SPECC1L: variants seen among roughly 807,000 people sequenced by gnomAD.
The protein encoded by SPECC1L is sperm antigen with calponin homology and coiled-coil domains 1 like.
SPECC1L carries 40 observed loss-of-function variants against 116.8 expected under a neutral mutation model. That is an observed-to-expected ratio of 0.34 (90% CI 0.27 to 0.45). SPECC1L has a LOEUF of 0.45. Ranked by LOEUF, SPECC1L falls within the 20% of genes least tolerant of loss-of-function variation. SPECC1L has a pLI of 1.00. For missense variants in SPECC1L, 1,110 were observed against 1,373.6 expected (o/e 0.81, Z 3.03); for synonymous variants, 504 against 500.6 (o/e 1.01, Z -0.09).
At chr22:24,382,575 C>T (rs576349575) in intron 14 of SPECC1L, among the ~76,000 whole-genome samples, 6 of 151,784 alleles carry the variant, frequency 4.0e-5, no homozygotes, top group African/African-American at 7.3e-5. Flanking sequence ...CAGTGACGGG[C>T]GACTGTAGTT....
chr22:24,300,135 G>T (rs185197632), intron 2 of SPECC1L, among the ~76,000 whole-genome samples: 4 of 151,980 alleles, frequency 2.6e-5, no homozygotes, highest in Non-Finnish European at 1.5e-5. Context: ...CTCTCCCCTC[G>T]TTCCCCACCC....
Position 24,322,927 on chromosome 22 carries a change from T to A in SPECC1L, c.1938+9T>A. The stretch of plus-strand genomic sequence containing the variant: ...AGGATGCCATTGCTAAGGTATTGTT[T>A]AAATAGATTAAAATGTTCCGGACAG... On this transcript the variant is annotated intron_variant, in intron 5 of 16. Transcript: ENST00000314328. 1 of 1,613,754 alleles carries A rather than the reference T, an allele frequency of 6.2e-7. No individual in the cohort carries two copies. Among genetic ancestry groups the A allele is most frequent in the Non-Finnish European group, 8.5e-7 (1 of 1,179,856 alleles).
chr22:24,297,389 A>G (rs1483859048), intron 2 of SPECC1L, among the ~76,000 whole-genome samples: 2 of 152,092 alleles, frequency 1.3e-5, no homozygotes, highest in Non-Finnish European at 2.9e-5. Context: ...TTGAAGGGAA[A>G]TTATCTCATT....
chr22:24,345,939 G>A (rs2146558777), intron 10 of SPECC1L, among the ~76,000 whole-genome samples: 1 of 152,072 alleles, frequency 6.6e-6, no homozygotes, highest in South Asian at 2.1e-4. Flanking sequence ...GGTGGTGTTT[G>A]AGCATCATGT....
intron 3 of SPECC1L, among the ~76,000 whole-genome samples, chr22:24,308,831 T>C (rs550950508): frequency 6.6e-6 from 1 of 152,330 alleles, no homozygotes; most frequent in African/African-American, 2.4e-5. Context: ...TTGGTTTATA[T>C]ATTCATTTAT....
chr22:24,321,971 A>C lies in SPECC1L; in HGVS notation c.991A>C (p.Asn331His). Residue 331 changes from asparagine (N) to histidine (H), a missense_variant, in exon 5 of 17, where the codon AAT becomes CAT. This residue lies in a region of SPECC1L where 437 missense variants were observed against 482.6 expected (regional missense o/e 0.91). Coordinates refer to ENST00000314328, the MANE Select transcript of SPECC1L (RefSeq NM_015330.6). ...GGAGGATCTCTTGAGTCAGGATGAAAATACACTAATGGACCATCAGCACAG... is the reference window on the plus strand; with the variant it reads ...GGAGGATCTCTTGAGTCAGGATGAACATACACTAATGGACCATCAGCACAG... ...SVEDLLSQDE[N>H]TLMDHQHSNS... is the part of the protein sequence containing the mutation. 6.2e-7 allele frequency: 1 copy of C among 1,614,162 alleles called. No individual in the cohort carries two copies.
At chr22:24,271,224 T>A (rs1383041907) in intron 1 of SPECC1L, among the ~76,000 whole-genome samples, 1 of 152,256 alleles carries the variant, frequency 6.6e-6, no homozygotes, top group Non-Finnish European at 1.5e-5. Context: ...CGAGACCCAC[T>A]GGCCTTCGTC....
chr22:24,410,917 G>A (rs753907332), intron 14 of SPECC1L, among the ~76,000 whole-genome samples: 43 of 152,248 alleles, frequency 2.8e-4, no homozygotes, highest in Non-Finnish European at 5.9e-4. Flanking sequence ...GGCCAGGTGC[G>A]GTGGCTCACA....
At chr22:24,288,742 C>T (rs891900502) in intron 2 of SPECC1L, among the ~76,000 whole-genome samples, 2 of 148,682 alleles carry the variant, frequency 1.3e-5, no homozygotes, top group Non-Finnish European at 3.0e-5. Flanking sequence ...TCTCCTGCCT[C>T]AGCTTCCTCA....
chr22:24,368,113 A>G (rs79694428), intron 13 of SPECC1L, among the ~76,000 whole-genome samples: 2,789 of 152,300 alleles, frequency 0.018, 46 homozygotes, highest in Middle Eastern at 0.048. Flanking sequence ...CTAAGGCAGG[A>G]TATTTATTTT....
intron 14 of SPECC1L, among the ~76,000 whole-genome samples, chr22:24,404,652 C>T (rs1417640883): frequency 2.0e-5 from 3 of 152,174 alleles, no homozygotes; most frequent in Non-Finnish European, 2.9e-5. Flanking sequence ...ACTGACCAGC[C>T]GGCCTCTGAC....
In SPECC1L at chr22:24,350,774, T is replaced by C. The variant is rs972381575; in HGVS notation, c.2743+3598T>C. Among the ~76,000 whole-genome samples the C allele has an allele frequency of 3.9e-5, 6 of 152,218 alleles. No individual in the cohort carries two copies. In the East Asian group the frequency reaches 5.8e-4, roughly 15 times the overall value. On this transcript the variant is annotated intron_variant, in intron 11 of 16. Coordinates refer to ENST00000314328, the MANE Select transcript of SPECC1L (RefSeq NM_015330.6). Reference sequence around the variant, plus strand: ...GTCAATAGTCAGCCTTTTGACCTTCTTCAGTCTGCGTTAAGTGTGGTCAGA... The same window carrying C: ...GTCAATAGTCAGCCTTTTGACCTTCCTCAGTCTGCGTTAAGTGTGGTCAGA...
intron 14 of SPECC1L, among the ~76,000 whole-genome samples, chr22:24,401,971 T>A (rs2042483854): frequency 6.6e-6 from 1 of 152,094 alleles, no homozygotes; most frequent in Non-Finnish European, 1.5e-5. Flanking sequence ...GGCTGCCAGC[T>A]CCACCTCGGC....
rs202238493 is a variant in SPECC1L at position 24,321,949 on chromosome 22, G to A, written c.969G>A (p.Glu323=). ...AAGGCTCTGCCCCTGGCTCAGTGGAGGATCTCTTGAGTCAGGATGAAAATA... is the reference window on the plus strand; with the variant it reads ...AAGGCTCTGCCCCTGGCTCAGTGGAAGATCTCTTGAGTCAGGATGAAAATA... ...SVEGSAPGSV[E]DLLSQDENTL... Residue 323 remains glutamate, a synonymous_variant, in exon 5 of 17, where the codon GAG becomes GAA. Coordinates refer to ENST00000314328, the MANE Select transcript of SPECC1L (RefSeq NM_015330.6). 4 of 1,614,210 alleles carry A rather than the reference G, an allele frequency of 2.5e-6. No homozygotes were observed. The African/African-American group carries it at 4.0e-5, about 16-fold the overall frequency.
intron 3 of SPECC1L, among the ~76,000 whole-genome samples, chr22:24,310,547 G>A (rs1314915667): frequency 2.0e-5 from 3 of 152,156 alleles, no homozygotes; most frequent in East Asian, 1.9e-4. Context: ...TAAGTGACAA[G>A]TGCTGCTTAA....
At chr22:24,363,785 A>G (rs2041692766) in intron 12 of SPECC1L, among the ~76,000 whole-genome samples, 1 of 152,180 alleles carries the variant, frequency 6.6e-6, no homozygotes, top group South Asian at 2.1e-4. Flanking sequence ...CATGTCATTT[A>G]AAGATCATAT....
At position 24,321,966 on chromosome 22, in the gene SPECC1L, A is replaced by G; in HGVS notation, c.986A>G (p.Asp329Gly). ...TCAGTGGAGGATCTCTTGAGTCAGG[A>G]TGAAAATACACTAATGGACCATCAG... is the stretch of plus-strand genomic sequence containing the variant. ...PGSVEDLLSQ[D>G]ENTLMDHQHS... The change falls in exon 5 of 17, where the codon GAT (aspartate) becomes GGT (glycine). Residue 329 changes from aspartate (D) to glycine (G), a missense_variant. Around this residue, in one of 4 missense-constraint regions of SPECC1L, gnomAD observed 437 missense variants for 482.6 expected, o/e 0.91. Coordinates refer to ENST00000314328, the MANE Select transcript of SPECC1L (RefSeq NM_015330.6). 1 of 1,614,194 alleles carries G rather than the reference A, an allele frequency of 6.2e-7. No homozygotes were observed. The highest frequency in any genetic ancestry group is 1.1e-5 in the South Asian group (1 of 91,086).
chr22:24,290,557 T>A (rs926405083), intron 2 of SPECC1L, among the ~76,000 whole-genome samples: 5 of 152,246 alleles, frequency 3.3e-5, no homozygotes, highest in Admixed American at 2.6e-4. Context: ...TGAGCAGTAC[T>A]GGACTTCTGT....
chr22:24,296,653 C>G (rs1233822037), intron 2 of SPECC1L, among the ~76,000 whole-genome samples: 1 of 152,278 alleles, frequency 6.6e-6, no homozygotes, highest in Non-Finnish European at 1.5e-5. Flanking sequence ...CGCTCCTCTG[C>G]TCTGTAATCT....
Sources: allele counts gnomAD v4.1 joint callset (sites outside exome capture counted in the v4.1 genomes callset), GRCh38; gene constraint gnomAD v4.1.1; regional missense constraint gnomAD v4.1.1; transcripts MANE v1.5; gene names NCBI Gene and HGNC (gene_info 2026-07-23, HGNC 2026-07-21).